The following PLEKHG4B variants were observed in gnomAD, a reference collection of about 807,000 sequenced individuals.
PLEKHG4B encodes pleckstrin homology domain-containing family G member 4B.
In PLEKHG4B, 111 loss-of-function variants were observed where a neutral mutation model predicts 121.3. The ratio of observed to expected loss-of-function variants is 0.92; its 90% CI spans 0.78 to 1.07. The LOEUF (loss-of-function observed/expected upper bound fraction) is 1.07, where lower values mean the gene tolerates loss of function less well. Among genes scored for constraint, PLEKHG4B ranks in the 50% least tolerant of loss-of-function variants. PLEKHG4B has a pLI of 0.00. For synonymous variants in PLEKHG4B, 738 were observed against 725.0 expected, an observed-to-expected ratio of 1.02 and a Z score of -0.29; for missense variants, 1,831 against 1,757.8, an observed-to-expected ratio of 1.04 and a Z score of -0.74.
At position 186,228 on chromosome 5, in the gene PLEKHG4B, G is replaced by T. The variant is rs926773022; in HGVS notation, c.*3905G>T. ...AGTTACGTCCACACCAGCTGGCCCT[G>T]GGCACCTCTCTCTCTGGCCTTCTGT... On this transcript the variant is annotated 3_prime_UTR_variant, in exon 20 of 20. Coordinates refer to ENST00000637938, the MANE Select transcript of PLEKHG4B (RefSeq NM_052909.5). 14 of 152,252 alleles carry T rather than the reference G, an allele frequency of 9.2e-5. No individual in the cohort carries two copies. Among genetic ancestry groups the T allele is most frequent in the African/African-American group, 3.4e-4 (14 of 41,540 alleles). The allele number at this position is 152,252 out of a possible 1,614,324, so 9.4% of individuals were successfully genotyped here.
rs1362319697 is a variant in PLEKHG4B, at chr5:113,106, T to G, written c.46-145T>G. ...CCTGCACCATGGATTCGCCTGCACA[T>G]TTTGTCTTTCTCAGTTAACTCACAT... On this transcript the variant is annotated intron_variant, in intron 1 of 19. Coordinates refer to ENST00000637938, the MANE Select transcript of PLEKHG4B (RefSeq NM_052909.5). This position sits in a 1 kb window ranked among gnomAD's most constrained non-coding sequence, Gnocchi z 5.2. 5.1e-6 allele frequency: 2 copies of G among 395,392 alleles called. No individual in the cohort carries two copies. Among genetic ancestry groups the G allele is most frequent in the South Asian group, 1.4e-4 (1 of 6,988 alleles). The allele number at this position is 395,392 out of a possible 1,614,324, so 24.5% of individuals were successfully genotyped here.
intron 6 of PLEKHG4B, among the ~76,000 whole-genome samples, chr5:149,475 A>G (rs560794202): frequency 1.4e-4 from 22 of 152,298 alleles, no homozygotes; most frequent in African/African-American, 5.3e-4. Context: ...CAGGAGGTCA[A>G]GGCTGCAGTG....
intron 6 of PLEKHG4B, among the ~76,000 whole-genome samples, chr5:146,899 G>T (rs1034363379): frequency 6.6e-6 from 1 of 151,458 alleles, no homozygotes; most frequent in African/African-American, 2.4e-5. Context: ...TCTTACTTTC[G>T]CAGTACGTGG....
chr5:156,029 G>A lies in PLEKHG4B; in HGVS notation c.2209-42G>A. ...TCACACTTGGGAGGACCTGCCCCTT[G>A]GAGGAGGGAGTTAAAGGCTTATTCC... On this transcript the variant is annotated intron_variant, in intron 9 of 19. Coordinates refer to ENST00000637938, the MANE Select transcript of PLEKHG4B (RefSeq NM_052909.5). This position sits in a 1 kb window ranked among gnomAD's most constrained non-coding sequence, Gnocchi z 4.4. 2 of 1,495,818 alleles carry A rather than the reference G, an allele frequency of 1.3e-6. No individual in the cohort carries two copies. The highest frequency in any genetic ancestry group is 1.4e-5 in the African/African-American group (1 of 70,690). The allele number at this position is 1,495,818 out of a possible 1,614,324, so 92.7% of individuals were successfully genotyped here. A position where few individuals can be genotyped will look rare whatever the true frequency, so the allele number is the denominator to read the frequency against.
At position 139,038 on chromosome 5, in the gene PLEKHG4B, C is replaced by G. The variant is rs1453538847; in HGVS notation, c.244-445C>G. On this transcript the variant is annotated intron_variant, in intron 2 of 19. Coordinates refer to ENST00000637938, the MANE Select transcript of PLEKHG4B (RefSeq NM_052909.5). This position sits in a 1 kb window ranked among gnomAD's most constrained non-coding sequence, Gnocchi z 5.0. ...AGGTAGCGCCTGCAGCAGCCGGGAG[C>G]CACAGGGAGCACCGGGAGTGCAGAG... is the stretch of plus-strand genomic sequence containing the variant. Among the ~76,000 whole-genome samples the G allele has an allele frequency of 6.6e-6, 1 of 152,244 alleles. No homozygotes were observed. Among genetic ancestry groups the G allele is most frequent in the Non-Finnish European group, 1.5e-5 (1 of 68,036 alleles).
intron 2 of PLEKHG4B, among the ~76,000 whole-genome samples, chr5:136,616 C>T (rs1313640983): frequency 6.6e-6 from 1 of 152,110 alleles, no homozygotes; most frequent in East Asian, 1.9e-4. Context: ...AATTAGATAC[C>T]ACCTCCCACC....
intron 2 of PLEKHG4B, among the ~76,000 whole-genome samples, chr5:117,633 A>G (rs1734342777): frequency 6.6e-6 from 1 of 152,170 alleles, no homozygotes; most frequent in Non-Finnish European, 1.5e-5. Flanking sequence ...AGGGTGGATC[A>G]CCTGAGGTCA....
chr5:143,025 AC>A, intron 3 of PLEKHG4B, 21 bp from the exon 4 acceptor site: 1 of 1,607,490 alleles, frequency 6.2e-7, no homozygotes, highest in South Asian at 1.1e-5. Context: ...CATCTTTGAC[AC>A]GGCCTCTTTC....
At chr5:135,105 G>A (rs746828335) in intron 2 of PLEKHG4B, among the ~76,000 whole-genome samples, 2 of 146,130 alleles carry the variant, frequency 1.4e-5, no homozygotes, top group South Asian at 2.2e-4. Context: ...GGAGAATGGC[G>A]TGAACCCAGG....
chr5:96,726 T>A (rs1430065815), intron 1 of PLEKHG4B, among the ~76,000 whole-genome samples: 1 of 152,132 alleles, frequency 6.6e-6, no homozygotes, highest in African/African-American at 2.4e-5. Flanking sequence ...TGACCACTCA[T>A]GCCTCCAAGA....
At chr5:148,225 T>C (rs2126413544) in intron 6 of PLEKHG4B, among the ~76,000 whole-genome samples, 1 of 149,636 alleles carries the variant, frequency 6.7e-6, no homozygotes, top group South Asian at 2.1e-4. Flanking sequence ...GCTAGAGCAA[T>C]TGGACAAGAA....
At position 140,186 on chromosome 5, in the gene PLEKHG4B, A is replaced by G; in HGVS notation, c.947A>G (p.Asp316Gly). The G allele has an allele frequency of 3.8e-6, 4 of 1,057,322 alleles. No homozygotes were observed. The highest frequency in any genetic ancestry group is 5.3e-6 in the Non-Finnish European group (4 of 749,416). The allele number at this position is 1,057,322 out of a possible 1,614,324, so 65.5% of individuals were successfully genotyped here. The change falls in exon 3 of 20, where the codon GAC (aspartate) becomes GGC (glycine). Residue 316 changes from aspartate (D) to glycine (G), a missense_variant. Coordinates refer to ENST00000637938, the MANE Select transcript of PLEKHG4B (RefSeq NM_052909.5). ...GGSGERPDPM[D>G]QEDRPKALTF... is the part of the protein sequence containing the mutation. ...TCGGGGGAGAGGCCGGACCCCATGG[A>G]CCAGGAGGACAGACCCAAGGCCCTC... is the stretch of plus-strand genomic sequence containing the variant.
Position 113,262 on chromosome 5 carries a change from T to C in PLEKHG4B, c.57T>C (p.Ser19=), listed in dbSNP as rs1734209625. Residue 19 remains serine (S), a synonymous_variant, in exon 2 of 20, where the codon TCT becomes TCC. Coordinates refer to ENST00000637938, the MANE Select transcript of PLEKHG4B (RefSeq NM_052909.5). The surrounding 1 kb of genome is among the most constrained non-coding windows in gnomAD (Gnocchi z 5.2). ...CTCTTTCATTTCAGGATCTGGAATC[T>C]CTTGATGCCTGTATCCAGAGGACGC... The part of the protein sequence containing the change: ...GGGPGARDLE[S]LDACIQRTLS... 4.0e-5 allele frequency: 16 copies of C among 399,132 alleles called. No individual in the cohort carries two copies. In the South Asian group the frequency reaches 1.9e-3, roughly 48 times the overall value. 24.7% of individuals were successfully genotyped at this position (399,132 alleles called of 1,614,324 possible).
At chr5:135,682 A>AAAAAAAAAAAAAT (rs1553985215) in intron 2 of PLEKHG4B, among the ~76,000 whole-genome samples, 1 of 19,610 alleles carries the variant, frequency 5.1e-5, no homozygotes, top group African/African-American at 1.5e-4. Flanking sequence ...AAAAAAAAAA[A>AAAAAAAAAAAAAT]ATATATATAT....
chr5:155,654 A>G (rs913501098), intron 9 of PLEKHG4B, among the ~76,000 whole-genome samples: 5 of 152,164 alleles, frequency 3.3e-5, no homozygotes, highest in African/African-American at 1.2e-4. Flanking sequence ...CAGAAGGAAA[A>G]CCGTGCCACA....
chr5:181,652 C>G lies in PLEKHG4B; in HGVS notation c.4541C>G (p.Pro1514Arg), dbSNP rs1675083037. 3 of 1,613,632 alleles carry G rather than the reference C, an allele frequency of 1.9e-6. No homozygotes were observed. The South Asian group carries it at 3.3e-5, about 18-fold the overall frequency. The change falls in exon 19 of 20, where the codon CCC becomes CGC. Residue 1514 changes from proline to arginine, a missense_variant. Coordinates refer to ENST00000637938, the MANE Select transcript of PLEKHG4B (RefSeq NM_052909.5). ...PKCAVMSDRV[P>R]DSIVKGTESQ... is the part of the protein sequence containing the mutation. ...TGTGCAGTGATGAGCGACCGAGTCC[C>G]CGACAGCATCGTCAAGGGCACAGGT...
chr5:151,485 A>C (rs776827435), intron 6 of PLEKHG4B, 28 bp from the exon 7 acceptor site: 16 of 1,411,516 alleles, frequency 1.1e-5, no homozygotes, highest in Non-Finnish European at 1.5e-5. Flanking sequence ...AAAGCTAATC[A>C]GTAATATTTA....
chr5:168,678 C>T (rs1358267021), intron 13 of PLEKHG4B, among the ~76,000 whole-genome samples: 3 of 152,120 alleles, frequency 2.0e-5, no homozygotes, highest in Non-Finnish European at 4.4e-5. Context: ...AGGGATCTTT[C>T]CTCTGAAAAG....
chr5:141,560 G>C (rs12152767), intron 3 of PLEKHG4B, among the ~76,000 whole-genome samples: 2 of 151,458 alleles, frequency 1.3e-5, no homozygotes, highest in African/African-American at 4.9e-5. Context: ...AACCCAGGAC[G>C]ACCTCACATC....
Sources: allele counts gnomAD v4.1 joint callset (sites outside exome capture counted in the v4.1 genomes callset), GRCh38; gene constraint gnomAD v4.1.1; non-coding constraint Gnocchi (gnomAD v3.1); transcripts MANE v1.5; gene names NCBI Gene and HGNC (gene_info 2026-07-23, HGNC 2026-07-21).